TMEM132D: variants seen among roughly 807,000 people sequenced by gnomAD.
TMEM132D encodes transmembrane protein 132D.
In TMEM132D, 21 loss-of-function variants were observed where a neutral mutation model predicts 62.3. The ratio of observed to expected loss-of-function variants is 0.34; its 90% CI spans 0.24 to 0.49. The LOEUF (loss-of-function observed/expected upper bound fraction) is 0.49. Among genes scored for constraint, TMEM132D ranks in the 20% least tolerant of loss-of-function variants. TMEM132D has a pLI of 0.99. For missense variants in TMEM132D, 1,346 were observed against 1,402.8 expected (o/e 0.96, Z 0.65); for synonymous variants, 621 against 575.6 (o/e 1.08, Z -1.13).
chr12:129,147,454 T>C (rs905293620), intron 5 of TMEM132D, among the ~76,000 whole-genome samples: 1 of 152,016 alleles, frequency 6.6e-6, no homozygotes, highest in Admixed American at 6.6e-5. Context: ...CAAGAATAAG[T>C]ATATTCTTTC....
At chr12:129,388,536 C>T (rs368504286) in intron 3 of TMEM132D, among the ~76,000 whole-genome samples, 2 of 95,388 alleles carry the variant, frequency 2.1e-5, no homozygotes, top group African/African-American at 3.7e-5. Context: ...CAATCCAGCA[C>T]TGATGATAAT....
At chr12:129,092,320 G>C (rs77164785) in intron 5 of TMEM132D, among the ~76,000 whole-genome samples, 6 of 40,688 alleles carry the variant, frequency 1.5e-4, no homozygotes, top group Non-Finnish European at 3.2e-4. Flanking sequence ...TTTTTTTTTT[G>C]TTCAAGAGCT....
At chr12:129,446,574 C>T (rs1158426756) in intron 3 of TMEM132D, among the ~76,000 whole-genome samples, 1 of 152,120 alleles carries the variant, frequency 6.6e-6, no homozygotes, top group Non-Finnish European at 1.5e-5. Flanking sequence ...CATTTTGTCC[C>T]GTTAACACTT....
At chr12:129,151,000 T>C (rs561452368) in intron 5 of TMEM132D, among the ~76,000 whole-genome samples, 2 of 152,254 alleles carry the variant, frequency 1.3e-5, no homozygotes, top group East Asian at 3.9e-4. Context: ...CTTGTATCTG[T>C]CCCCTGGAGG....
At chr12:129,380,993 A>T (rs887467145) in intron 3 of TMEM132D, among the ~76,000 whole-genome samples, 3 of 152,166 alleles carry the variant, frequency 2.0e-5, no homozygotes, top group African/African-American at 7.2e-5. Flanking sequence ...GGCTGTTTGG[A>T]TAAGGGTGTA....
chr12:129,241,346 C>T (rs563676678), intron 4 of TMEM132D, among the ~76,000 whole-genome samples: 13 of 152,088 alleles, frequency 8.5e-5, no homozygotes, highest in East Asian at 1.9e-4. Flanking sequence ...TGCCTTGGAA[C>T]GGCAAAATTC....
At chr12:129,148,438 G>T (rs1022634907) in intron 5 of TMEM132D, among the ~76,000 whole-genome samples, 2 of 152,132 alleles carry the variant, frequency 1.3e-5, no homozygotes, top group African/African-American at 2.4e-5. Flanking sequence ...GAGGCAGGAG[G>T]TCAGAGAAAA....
At chr12:129,823,857 T>A (rs1593176108) in intron 1 of TMEM132D, among the ~76,000 whole-genome samples, 1 of 152,232 alleles carries the variant, frequency 6.6e-6, no homozygotes, top group African/African-American at 2.4e-5. Context: ...CAGATATTTG[T>A]TAAAACATAA....
chr12:129,589,240 C>T (rs140694485), intron 2 of TMEM132D, among the ~76,000 whole-genome samples: 3,680 of 152,178 alleles, frequency 0.024, 58 homozygotes, highest in Non-Finnish European at 0.036. Context: ...CTCATGAGAT[C>T]TGATGGTTTT....
At chr12:129,159,420 G>A (rs574811317) in intron 5 of TMEM132D, among the ~76,000 whole-genome samples, 1 of 152,156 alleles carries the variant, frequency 6.6e-6, no homozygotes, top group South Asian at 2.1e-4. Context: ...CATAACTGGG[G>A]AAGAAACACA....
chr12:129,190,009 A>C (rs894082786), intron 5 of TMEM132D, among the ~76,000 whole-genome samples: 2 of 152,004 alleles, frequency 1.3e-5, no homozygotes, highest in African/African-American at 4.8e-5. Flanking sequence ...GACTAGAGGA[A>C]AAAAGTCAGA....
At chr12:129,141,591 C>T (rs1876742573) in intron 5 of TMEM132D, among the ~76,000 whole-genome samples, 1 of 152,052 alleles carries the variant, frequency 6.6e-6, no homozygotes, top group East Asian at 1.9e-4. Context: ...TTGGCGAGAA[C>T]CTGTAGACTT....
chr12:129,720,312 G>A (rs1366887192), intron 1 of TMEM132D, among the ~76,000 whole-genome samples: 1 of 152,090 alleles, frequency 6.6e-6, no homozygotes. Flanking sequence ...TTCACGGAGA[G>A]GCAGAACATT....
intron 1 of TMEM132D, among the ~76,000 whole-genome samples, chr12:129,756,135 T>C (rs1870161140): frequency 6.6e-6 from 1 of 152,118 alleles, no homozygotes; most frequent in Non-Finnish European, 1.5e-5. Context: ...GTAGTGGAAA[T>C]GAGACACTGC....
chr12:129,747,089 C>T (rs1869808147), intron 1 of TMEM132D, among the ~76,000 whole-genome samples: 1 of 152,210 alleles, frequency 6.6e-6, no homozygotes, highest in East Asian at 1.9e-4. Context: ...GCCCAGGGCG[C>T]TCCAGTTCCT....
intron 3 of TMEM132D, among the ~76,000 whole-genome samples, chr12:129,387,657 T>G (rs1043182690): frequency 2.6e-5 from 4 of 152,014 alleles, no homozygotes; most frequent in African/African-American, 7.3e-5. Flanking sequence ...TAATGCCATG[T>G]GCCAACACTA....
chr12:129,164,262 G>C (rs1877478606), intron 5 of TMEM132D, among the ~76,000 whole-genome samples: 1 of 152,220 alleles, frequency 6.6e-6, no homozygotes, highest in Non-Finnish European at 1.5e-5. Context: ...CCTTTCCTCT[G>C]ACCTTAGTCA....
intron 1 of TMEM132D, among the ~76,000 whole-genome samples, chr12:129,772,202 A>G (rs1003393003): frequency 5.3e-5 from 8 of 152,226 alleles, no homozygotes; most frequent in Non-Finnish European, 1.2e-4. Context: ...ATTCCAAAGC[A>G]TAGCTGCAAC....
At position 129,789,184 on chromosome 12, in the gene TMEM132D, C is replaced by T. The variant is rs80228195; in HGVS notation, c.80-88486G>A. Among the ~76,000 whole-genome samples, 37 of 152,262 alleles carry T rather than the reference C, an allele frequency of 2.4e-4. No individual in the cohort carries two copies. The East Asian group carries it at 5.0e-3, about 21-fold the overall frequency. On this transcript the variant is annotated intron_variant, in intron 1 of 8. Transcript: ENST00000422113. ...CATCACCCGAGCAGTGTTCACTCTA[C>T]CCAACGTGTAGTCTTTTATCCCTCA...
Sources: allele counts gnomAD v4.1 joint callset (sites outside exome capture counted in the v4.1 genomes callset), GRCh38; gene constraint gnomAD v4.1.1; transcripts MANE v1.5; gene names NCBI Gene and HGNC (gene_info 2026-07-23, HGNC 2026-07-21).